CLCN4: variants seen among roughly 807,000 people sequenced by gnomAD.
The protein encoded by CLCN4 is H(+)/Cl(-) exchange transporter 4.
CLCN4 carries 1 observed loss-of-function variant against 41.7 expected under a neutral mutation model. The ratio of observed to expected loss-of-function variants is 0.02; its 90% CI spans 0.01 to 0.11. CLCN4 has a LOEUF of 0.11. Ranked by LOEUF, CLCN4 falls within the 10% of genes least tolerant of loss-of-function variation. CLCN4 has a pLI of 1.00. For synonymous variants in CLCN4, 277 were observed against 285.8 expected (o/e 0.97, Z 0.31); for missense variants, 287 against 661.0 (o/e 0.43, Z 6.20).
intron 6 of CLCN4, among the ~76,000 whole-genome samples, chrX:10,200,729 C>T (rs1924219394): frequency 8.9e-6 from 1 of 112,047 alleles, no homozygotes; most frequent in South Asian, 3.7e-4. Flanking sequence ...CACTCTGTTG[C>T]CCAGGCTGGA....
At chrX:10,203,677 C>T (rs774925045) in intron 6 of CLCN4, among the ~76,000 whole-genome samples, 22 of 111,593 alleles carry the variant, frequency 2.0e-4, no homozygotes, top group Non-Finnish European at 3.2e-4. Flanking sequence ...GCTGCATTTT[C>T]GAGTCACCTA....
At chrX:10,177,044 C>T (rs1243536548) in intron 2 of CLCN4, among the ~76,000 whole-genome samples, 4 of 112,682 alleles carry the variant, frequency 3.5e-5, no homozygotes, top group Non-Finnish European at 7.5e-5. Flanking sequence ...ATCCTGTGGG[C>T]CAACTCCAGC....
At chrX:10,173,982 T>C (rs1298582269) in intron 2 of CLCN4, among the ~76,000 whole-genome samples, 1 of 112,052 alleles carries the variant, frequency 8.9e-6, no homozygotes, top group Non-Finnish European at 1.9e-5. Context: ...TTTAGGACGC[T>C]GGGCAGCATC....
At chrX:10,177,721 T>TC (rs1364861054) in intron 2 of CLCN4, among the ~76,000 whole-genome samples, 1 of 112,250 alleles carries the variant, frequency 8.9e-6, no homozygotes, top group Non-Finnish European at 1.9e-5. Context: ...GTCTGGCAGC[T>TC]CCTCAGAAGG....
chrX:10,210,903 C>T (rs1924527095), intron 9 of CLCN4, among the ~76,000 whole-genome samples: 1 of 107,945 alleles, frequency 9.3e-6, no homozygotes, highest in Non-Finnish European at 1.9e-5. Context: ...CTGCCTTGGC[C>T]TCCCAAAGCG....
In CLCN4 at chrX:10,185,042, G is replaced by A. The variant is rs1015209935; in HGVS notation, c.10G>A (p.Ala4Thr). The change falls in exon 3 of 13, where the codon GCG becomes ACG. Residue 4 changes from alanine to threonine, a missense_variant. This residue lies in a region of CLCN4 where 90 missense variants were observed against 209.8 expected (regional missense o/e 0.43). Coordinates refer to ENST00000380833, the MANE Select transcript of CLCN4 (RefSeq NM_001830.4). MVN[A>T]GAMSGSGNLM... ...CCCAGGTGTAATTAGCATGGTCAAT[G>A]CGGGAGCGATGAGTGGCTCTGGAAA... 8.3e-7 allele frequency: 1 copy of A among 1,208,053 alleles called. No individual in the cohort carries two copies. The highest frequency in any genetic ancestry group is 1.8e-5 in the South Asian group (1 of 56,530).
chrX:10,168,535 C>A (rs2147158894), intron 2 of CLCN4, among the ~76,000 whole-genome samples: 1 of 112,441 alleles, frequency 8.9e-6, no homozygotes, highest in South Asian at 3.7e-4. Context: ...AGAAGTGTTG[C>A]AAGCATGCCA....
intron 12 of CLCN4, among the ~76,000 whole-genome samples, chrX:10,222,145 CT>C (rs1356721918): frequency 1.8e-5 from 2 of 112,852 alleles, no homozygotes; most frequent in Non-Finnish European, 3.7e-5. Context: ...CCTGCTGCCA[CT>C]TTTGTTTTGT....
Position 10,187,499 on chromosome X carries a change from A to G in CLCN4, c.145-16A>G, listed in dbSNP as rs1923843639. ...AAAATGCATTCGGATCAGTTGCTGT[A>G]TCTGCTTTGTTCTAGATCACCAGCA... On this transcript the variant is annotated splice_polypyrimidine_tract_variant and intron_variant, in intron 3 of 12. Transcript: ENST00000380833. The G allele has an allele frequency of 8.6e-7, 1 of 1,157,920 alleles. No homozygotes were observed. The highest frequency in any genetic ancestry group is 2.2e-5 in the Admixed American group (1 of 45,668).
At chrX:10,202,429 C>A (rs1924261570) in intron 6 of CLCN4, among the ~76,000 whole-genome samples, 1 of 109,616 alleles carries the variant, frequency 9.1e-6, no homozygotes, top group South Asian at 3.9e-4. Context: ...GCTGAGATCA[C>A]ACCACTGCAC....
At chrX:10,163,363 A>C in intron 2 of CLCN4, among the ~76,000 whole-genome samples, 1 of 98,680 alleles carries the variant, frequency 1.0e-5, no homozygotes, top group East Asian at 3.1e-4. Flanking sequence ...ATGTGCAGGA[A>C]TTTTTTTTTT....
chrX:10,211,716 C>T (rs1195116081), intron 9 of CLCN4, among the ~76,000 whole-genome samples: 1 of 111,939 alleles, frequency 8.9e-6, no homozygotes, highest in African/African-American at 3.3e-5. Flanking sequence ...TCAGCGAACA[C>T]AGGGAGTCAG....
intron 4 of CLCN4, among the ~76,000 whole-genome samples, chrX:10,190,748 A>G (rs1923938707): frequency 8.9e-6 from 1 of 112,255 alleles, no homozygotes; most frequent in African/African-American, 3.2e-5. Context: ...TCAAAACATC[A>G]TGTTGTATAT....
chrX:10,199,769 T>A (rs1169409849), intron 6 of CLCN4, among the ~76,000 whole-genome samples: 1 of 111,701 alleles, frequency 9.0e-6, no homozygotes, highest in African/African-American at 3.3e-5. Context: ...TTCTTTTTTT[T>A]CTTTTTTGAG....
intron 4 of CLCN4, among the ~76,000 whole-genome samples, chrX:10,192,280 AAG>A (rs1486842246): frequency 1.9e-5 from 2 of 106,761 alleles, no homozygotes; most frequent in East Asian, 5.7e-4. Context: ...CACGGAGAAA[AAG>A]AGAAAGAGAG....
intron 2 of CLCN4, among the ~76,000 whole-genome samples, chrX:10,160,812 C>G (rs1923074532): frequency 9.0e-6 from 1 of 111,262 alleles, no homozygotes; most frequent in Non-Finnish European, 1.9e-5. Flanking sequence ...AGGAGGGTGA[C>G]CGTGGCTGCA....
At chrX:10,178,631 T>G (rs1923594723) in intron 2 of CLCN4, among the ~76,000 whole-genome samples, 1 of 111,879 alleles carries the variant, frequency 8.9e-6, no homozygotes, top group African/African-American at 3.3e-5. Flanking sequence ...CTTCCTGGAC[T>G]TTTCCTGTGA....
chrX:10,230,929 T>C (rs1925112132), intron 12 of CLCN4, among the ~76,000 whole-genome samples: 1 of 112,012 alleles, frequency 8.9e-6, no homozygotes, highest in Non-Finnish European at 1.9e-5. Flanking sequence ...TATAATATCA[T>C]GTGTCCACCA....
intron 11 of CLCN4, among the ~76,000 whole-genome samples, chrX:10,220,264 G>A (rs1028512502): frequency 1.8e-5 from 2 of 111,770 alleles, no homozygotes; most frequent in Non-Finnish European, 3.8e-5. Flanking sequence ...TAAGGTCATC[G>A]GGCAGCTAAG....
Sources: gnomAD v4.1 joint callset for allele counts (sites outside exome capture counted in the v4.1 genomes callset) on GRCh38, gnomAD v4.1.1 for gene constraint, gnomAD v4.1.1 regional missense constraint, MANE v1.5 for transcripts, NCBI Gene and HGNC (gene_info 2026-07-23, HGNC 2026-07-21) for gene names.